STT3B: variants seen among roughly 807,000 people sequenced by gnomAD.
STT3B encodes STT3 oligosaccharyltransferase complex catalytic subunit B.
A neutral mutation model predicts 96.8 loss-of-function variants in STT3B; 29 were observed. That is an observed-to-expected ratio of 0.30 (90% CI 0.22 to 0.41). The LOEUF (loss-of-function observed/expected upper bound fraction) is 0.41, where lower values mean the gene tolerates loss of function less well. Ranked by LOEUF, STT3B falls within the 10% of genes least tolerant of loss-of-function variation. STT3B has a pLI of 1.00. For synonymous variants in STT3B, 367 were observed against 360.0 expected, an observed-to-expected ratio of 1.02 and a Z score of -0.22; for missense variants, 640 against 1,022.3, an observed-to-expected ratio of 0.63 and a Z score of 5.10.
chr3:31,619,575 G>C, intron 8 of STT3B, 101 bp from the exon 9 acceptor site: 2 of 924,394 alleles, frequency 2.2e-6, no homozygotes, highest in Non-Finnish European at 3.3e-6. Context: ...GAAGGGGTAG[G>C]GAGTAGGTAC....
At chr3:31,548,824 A>C (rs938325049) in intron 1 of STT3B, among the ~76,000 whole-genome samples, 1 of 152,216 alleles carries the variant, frequency 6.6e-6, no homozygotes, top group Non-Finnish European at 1.5e-5. Context: ...TATTTTGCCA[A>C]AGTATGTTCT....
chr3:31,543,564 T>C (rs1697331947), intron 1 of STT3B, among the ~76,000 whole-genome samples: 1 of 152,350 alleles, frequency 6.6e-6, no homozygotes, highest in Non-Finnish European at 1.5e-5. Flanking sequence ...TAAGTCTCTG[T>C]TGTGCAATAC....
At chr3:31,540,669 T>C (rs181217181) in intron 1 of STT3B, among the ~76,000 whole-genome samples, 193 of 152,284 alleles carry the variant, frequency 1.3e-3, no homozygotes, top group Non-Finnish European at 2.0e-3. Context: ...AGATAGATAA[T>C]GTTGTAGCGT....
intron 3 of STT3B, among the ~76,000 whole-genome samples, chr3:31,592,915 G>A (rs1374364033): frequency 6.6e-6 from 1 of 152,204 alleles, no homozygotes; most frequent in Non-Finnish European, 1.5e-5. Flanking sequence ...AGCCAGAGGA[G>A]GAGGGACTTG....
At chr3:31,582,191 A>G (rs1186704435) in intron 3 of STT3B, among the ~76,000 whole-genome samples, 1 of 151,432 alleles carries the variant, frequency 6.6e-6, no homozygotes, top group Non-Finnish European at 1.5e-5. Flanking sequence ...CTTTTAGTGT[A>G]TATGCTGCTG....
At chr3:31,622,536 A>AT (rs1490675963) in intron 10 of STT3B, among the ~76,000 whole-genome samples, 5 of 152,118 alleles carry the variant, frequency 3.3e-5, no homozygotes, top group Non-Finnish European at 7.4e-5. Context: ...CTTTTTGGTA[A>AT]TTTGTTATCT....
At chr3:31,606,829 G>A (rs917086597) in intron 5 of STT3B, among the ~76,000 whole-genome samples, 15 of 152,244 alleles carry the variant, frequency 9.9e-5, no homozygotes, top group South Asian at 2.1e-4. Context: ...TGCACCATGC[G>A]CCTAGAAAAG....
At chr3:31,609,500 A>G (rs1699136094) in intron 5 of STT3B, among the ~76,000 whole-genome samples, 1 of 152,238 alleles carries the variant, frequency 6.6e-6, no homozygotes, top group Admixed American at 6.5e-5. Flanking sequence ...CACAGGGTAG[A>G]ACTTAAACCA....
chr3:31,541,081 T>C (rs1697253962), intron 1 of STT3B, among the ~76,000 whole-genome samples: 1 of 152,236 alleles, frequency 6.6e-6, no homozygotes, highest in Non-Finnish European at 1.5e-5. Context: ...GTTATATTCT[T>C]TGAAAATAAG....
chr3:31,534,065 A>G (rs1697023096), intron 1 of STT3B, among the ~76,000 whole-genome samples: 2 of 152,274 alleles, frequency 1.3e-5, no homozygotes, highest in Admixed American at 6.5e-5. Context: ...CTGTTTCACT[A>G]TCGTCTTGGG....
Position 31,624,965 on chromosome 3 carries a change from A to G in STT3B, c.1779A>G (p.Gln593=). The G allele has an allele frequency of 6.2e-7, 1 of 1,613,812 alleles. No individual in the cohort carries two copies. The highest frequency in any genetic ancestry group is 8.5e-7 in the Non-Finnish European group (1 of 1,179,836). The change falls in exon 12 of 16, where the codon CAA becomes CAG. Residue 593 remains glutamine (Q), a synonymous_variant. Transcript: ENST00000295770. ...DFREAYFWLR[Q]NTDEHARVMS... is the part of the protein sequence containing the mutation. ...GAGAAGCTTACTTTTGGCTAAGGCA[A>G]AATACAGATGAACATGCACGAGTAA...
intron 1 of STT3B, among the ~76,000 whole-genome samples, chr3:31,564,116 C>T (rs1353902307): frequency 2.0e-5 from 3 of 152,046 alleles, no homozygotes; most frequent in Non-Finnish European, 4.4e-5. Flanking sequence ...TATTTTAGTG[C>T]CCTCTATCTG....
At chr3:31,592,045 A>ACCATCACCACCAT (rs1698676119) in intron 3 of STT3B, among the ~76,000 whole-genome samples, 1 of 152,124 alleles carries the variant, frequency 6.6e-6, no homozygotes, top group African/African-American at 2.4e-5. Context: ...TTATGCAACC[A>ACCATCACCACCAT]CCATCACCAC....
chr3:31,541,812 G>A (rs1308744580), intron 1 of STT3B, among the ~76,000 whole-genome samples: 1 of 152,030 alleles, frequency 6.6e-6, no homozygotes, highest in African/African-American at 2.4e-5. Context: ...TCCTGACCTC[G>A]TGATGCACCC....
At chr3:31,597,244 C>T (rs888769523) in intron 4 of STT3B, among the ~76,000 whole-genome samples, 1 of 152,070 alleles carries the variant, frequency 6.6e-6, no homozygotes, top group Non-Finnish European at 1.5e-5. Context: ...ACTGCAGCTT[C>T]TGCCTCCTGG....
chr3:31,536,019 C>A (rs774035298), intron 1 of STT3B, among the ~76,000 whole-genome samples: 3 of 152,038 alleles, frequency 2.0e-5, no homozygotes, highest in Non-Finnish European at 4.4e-5. Flanking sequence ...ATGTCTAATT[C>A]AGGTGACTTA....
At chr3:31,585,841 G>C (rs2125456268) in intron 3 of STT3B, among the ~76,000 whole-genome samples, 1 of 152,168 alleles carries the variant, frequency 6.6e-6, no homozygotes, top group Admixed American at 6.5e-5. Flanking sequence ...TTGCTGAATA[G>C]TACTCCATTA....
intron 11 of STT3B, among the ~76,000 whole-genome samples, chr3:31,624,530 C>A (rs917628642): frequency 6.6e-6 from 1 of 152,142 alleles, no homozygotes; most frequent in Non-Finnish European, 1.5e-5. Context: ...GTTTAATAGA[C>A]CTAGGTGATT....
intron 11 of STT3B, 79 bp downstream of exon 11, chr3:31,623,940 T>C: frequency 7.3e-6 from 9 of 1,228,348 alleles, no homozygotes; most frequent in Non-Finnish European, 1.0e-5. Context: ...AATTAAAAAA[T>C]AGAATGTTGT....
Sources: allele counts gnomAD v4.1 joint callset (sites outside exome capture counted in the v4.1 genomes callset), GRCh38; gene constraint gnomAD v4.1.1; transcripts MANE v1.5; gene names NCBI Gene and HGNC (gene_info 2026-07-23, HGNC 2026-07-21).